Variants in FNDC3A observed in about 807,000 individuals in gnomAD.
The protein encoded by FNDC3A is fibronectin type-III domain-containing protein 3A.
FNDC3A carries 32 observed loss-of-function variants against 148.9 expected under a neutral mutation model. The ratio of observed to expected loss-of-function variants is 0.21; its 90% CI spans 0.16 to 0.29. The LOEUF is 0.29. FNDC3A is among the 10% of genes least tolerant of loss of function. The pLI is 1.00. For missense variants in FNDC3A, 1,191 were observed against 1,452.8 expected (o/e 0.82, Z 2.93); for synonymous variants, 472 against 473.6 (o/e 1.00, Z 0.04).
intron 10 of FNDC3A, 35 bp downstream of exon 10, chr13:49,168,786 A>G (rs775622912): frequency 6.3e-7 from 1 of 1,594,558 alleles, no homozygotes; most frequent in Non-Finnish European, 8.6e-7. Flanking sequence ...CCAACTGGAC[A>G]TGTGTTTCTT....
chr13:49,002,666 ATC>A, intron 1 of FNDC3A, among the ~76,000 whole-genome samples: 1 of 152,254 alleles, frequency 6.6e-6, no homozygotes. Context: ...AATTGGTTTT[ATC>A]TGTTTTTGAA....
chr13:48,988,162 GAGACCTAC>G (rs1363327911), intron 1 of FNDC3A: 3 of 152,156 alleles, frequency 2.0e-5, no homozygotes, highest in African/African-American at 7.2e-5. Flanking sequence ...CAAGTTTTTA[GAGACCTAC>G]AAAGAAGCTT....
intron 11 of FNDC3A, 122 bp from the exon 12 acceptor site, chr13:49,174,313 C>A: frequency 1.4e-6 from 1 of 692,276 alleles, no homozygotes; most frequent in East Asian, 2.7e-5. Context: ...TCTCAGCCTT[C>A]TCTTGAGATC....
At chr13:49,031,890 G>A (rs1161540624) in intron 2 of FNDC3A, among the ~76,000 whole-genome samples, 1 of 152,112 alleles carries the variant, frequency 6.6e-6, no homozygotes, top group African/African-American at 2.4e-5. Flanking sequence ...GAAAATATCT[G>A]CAAACTGTAT....
chr13:49,138,051 T>C (rs547362967), intron 6 of FNDC3A, among the ~76,000 whole-genome samples: 1 of 152,340 alleles, frequency 6.6e-6, no homozygotes, highest in Non-Finnish European at 1.5e-5. Context: ...GTAATTAATA[T>C]ATGACTAGGA....
At position 49,145,775 on chromosome 13, in the gene FNDC3A, C is replaced by T. The variant is rs1470216222; in HGVS notation, c.820-3C>T. On this transcript the variant is annotated splice_polypyrimidine_tract_variant and splice_region_variant and intron_variant, in intron 7 of 25. Coordinates refer to ENST00000492622, the MANE Select transcript of FNDC3A (RefSeq NM_001079673.2). ...AGAACTTTTAAATGTTGTATTTTTACAGGCCTCCGACATCCAGGCAAGGAC... is the reference window on the plus strand; with the variant it reads ...AGAACTTTTAAATGTTGTATTTTTATAGGCCTCCGACATCCAGGCAAGGAC... 3.1e-6 allele frequency: 5 copies of T among 1,612,576 alleles called. No individual in the cohort carries two copies. Among genetic ancestry groups the T allele is most frequent in the African/African-American group, 2.7e-5 (2 of 74,830 alleles).
At chr13:48,977,179 ATTTT>A (rs780765850) in intron 1 of FNDC3A, among the ~76,000 whole-genome samples, 1 of 149,786 alleles carries the variant, frequency 6.7e-6, no homozygotes, top group Admixed American at 6.7e-5. Flanking sequence ...GGCTGATGAG[ATTTT>A]TTTTTTCTTT....
rs1319453315 is a variant in FNDC3A at position 49,072,356 on chromosome 13, A to T, written c.100-2933A>T. ...TTTCATGTCAAGGCTAGGTGAAAAG[A>T]TAGAAAAAAGTGAGAGTTAAAAAGT... On this transcript the variant is annotated intron_variant, in intron 2 of 25. Coordinates refer to ENST00000492622, the MANE Select transcript of FNDC3A (RefSeq NM_001079673.2). Among the ~76,000 whole-genome samples, 4 of 152,274 alleles carry T rather than the reference A, an allele frequency of 2.6e-5. No homozygotes were observed. The East Asian group carries it at 7.7e-4, about 29-fold the overall frequency.
At chr13:49,030,138 A>G (rs1874001005) in intron 2 of FNDC3A, among the ~76,000 whole-genome samples, 2 of 152,126 alleles carry the variant, frequency 1.3e-5, no homozygotes, top group African/African-American at 4.8e-5. Flanking sequence ...ATCCTCAACA[A>G]AGTACTAGCA....
At chr13:49,110,451 G>T (rs778035794) in intron 3 of FNDC3A, 8 of 1,267,694 alleles carry the variant, frequency 6.3e-6, no homozygotes, top group Admixed American at 5.0e-5. Context: ...TTTTAAGACA[G>T]AAAGCATTGT....
At chr13:49,165,939 G>A (rs1246793968) in intron 8 of FNDC3A, among the ~76,000 whole-genome samples, 3 of 152,110 alleles carry the variant, frequency 2.0e-5, no homozygotes, top group Non-Finnish European at 4.4e-5. Flanking sequence ...GCTCAGGTGT[G>A]TGGCACAGGT....
intron 3 of FNDC3A, among the ~76,000 whole-genome samples, chr13:49,076,326 C>G (rs1182402809): frequency 6.6e-6 from 1 of 151,908 alleles, no homozygotes; most frequent in Non-Finnish European, 1.5e-5. Context: ...CTCATTGCAA[C>G]CTCTGCCTCC....
rs1407419988 is a variant in FNDC3A at position 49,208,604 on chromosome 13, C to T, written c.*1209C>T. 6.6e-6 allele frequency: 1 copy of T among 152,562 alleles called. No homozygotes were observed. Among genetic ancestry groups the T allele is most frequent in the African/African-American group, 2.4e-5 (1 of 41,432 alleles). 9.5% of individuals were successfully genotyped at this position (152,562 alleles called of 1,614,324 possible). A position where few individuals can be genotyped will look rare whatever the true frequency, so the allele number is the denominator to read the frequency against. Reference sequence around the variant, plus strand: ...AATTCATTAATGTTTTGTGAGCTTGCATTTGTGAGTTATTGGATGATCAGA... The same window carrying T: ...AATTCATTAATGTTTTGTGAGCTTGTATTTGTGAGTTATTGGATGATCAGA... On this transcript the variant is annotated 3_prime_UTR_variant, in exon 26 of 26. Transcript: ENST00000492622.
At chr13:49,186,544 AT>A (rs1207262371) in intron 15 of FNDC3A, among the ~76,000 whole-genome samples, 2 of 152,268 alleles carry the variant, frequency 1.3e-5, no homozygotes, top group Non-Finnish European at 2.9e-5. Context: ...TATTTATAAT[AT>A]TCAAAAATTT....
At chr13:49,034,274 A>G (rs1179770642) in intron 2 of FNDC3A, among the ~76,000 whole-genome samples, 1 of 152,082 alleles carries the variant, frequency 6.6e-6, no homozygotes, top group Non-Finnish European at 1.5e-5. Context: ...GACTGCTGTA[A>G]GACACCTGAA....
chr13:49,120,851 C>G (rs1026783869), intron 4 of FNDC3A, among the ~76,000 whole-genome samples: 3 of 152,154 alleles, frequency 2.0e-5, no homozygotes, highest in African/African-American at 4.8e-5. Context: ...AAAGCAAGTT[C>G]TTAGAGACCT....
At chr13:49,020,997 TAGTC>T (rs1015057998) in intron 2 of FNDC3A, among the ~76,000 whole-genome samples, 16 of 152,164 alleles carry the variant, frequency 1.1e-4, no homozygotes, top group Non-Finnish European at 2.2e-4. Context: ...ATTATCAGAA[TAGTC>T]AGGGTAGTGA....
intron 3 of FNDC3A, 49 bp from the exon 4 acceptor site, chr13:49,114,606 G>A: frequency 8.0e-7 from 1 of 1,243,734 alleles, no homozygotes; most frequent in Non-Finnish European, 1.2e-6. Flanking sequence ...TTCAACTTTA[G>A]CCTGATAAGC....
chr13:49,110,331 G>A, intron 3 of FNDC3A: 1 of 1,570,696 alleles, frequency 6.4e-7, no homozygotes, highest in Non-Finnish European at 8.6e-7. Flanking sequence ...TCCAATTAAA[G>A]CTGTTAACGT....
Sources: allele counts gnomAD v4.1 joint callset (sites outside exome capture counted in the v4.1 genomes callset), GRCh38; gene constraint gnomAD v4.1.1; transcripts MANE v1.5; gene names NCBI Gene and HGNC (gene_info 2026-07-23, HGNC 2026-07-21).